Variants in PLAG1 observed in about 807,000 individuals in gnomAD.
PLAG1 encodes zinc finger protein PLAG1.
Under a neutral mutation model 35.5 loss-of-function variants are expected in PLAG1, and 7 were observed. The ratio of observed to expected loss-of-function variants is 0.20; its 90% CI spans 0.11 to 0.37. The LOEUF (loss-of-function observed/expected upper bound fraction) is 0.37. PLAG1 is among the 10% of genes least tolerant of loss of function. The pLI, the probability that PLAG1 is intolerant of heterozygous loss-of-function variation, is 1.00. For missense variants in PLAG1, 454 were observed against 602.8 expected (o/e 0.75, Z 2.58); for synonymous variants, 229 against 225.4 (o/e 1.02, Z -0.14).
chr8:56,181,469 G>A (rs1026219532), intron 1 of PLAG1, among the ~76,000 whole-genome samples: 5 of 151,882 alleles, frequency 3.3e-5, no homozygotes, highest in South Asian at 2.1e-4. Context: ...CCACAAGAAC[G>A]GAAAACCAAA....
chr8:56,210,024 A>G (rs1464672397), intron 1 of PLAG1, among the ~76,000 whole-genome samples: 2 of 152,188 alleles, frequency 1.3e-5, no homozygotes, highest in Non-Finnish European at 2.9e-5. Flanking sequence ...AGTCCACATT[A>G]CCAATAAGTT....
chr8:56,204,846 C>T (rs1585830336), intron 1 of PLAG1, among the ~76,000 whole-genome samples: 1 of 151,952 alleles, frequency 6.6e-6, no homozygotes, highest in Admixed American at 6.5e-5. Flanking sequence ...ATGGCACATC[C>T]TTCACAATCT....
Position 56,166,765 on chromosome 8 carries a change from A to G in PLAG1, c.981T>C (p.Ser327=), listed in dbSNP as rs1168713633. 6.2e-7 allele frequency: 1 copy of G among 1,614,032 alleles called. No homozygotes were observed. The highest frequency in any genetic ancestry group is 2.2e-5 in the East Asian group (1 of 44,890). Residue 327 remains serine (S), a synonymous_variant, in exon 5 of 5, where the codon TCT becomes TCC. Coordinates refer to ENST00000316981, the MANE Select transcript of PLAG1 (RefSeq NM_002655.3). ...ACGGATATTTGAAAGAAAGGTGGTG[A>G]GAGGGATGAACAGTGTCCATATCTA... ...CPIDMDTVHP[S]HHLSFKYPFS... is the part of the protein sequence containing the mutation.
At chr8:56,197,176 T>TA (rs1191683621) in intron 1 of PLAG1, among the ~76,000 whole-genome samples, 1 of 152,090 alleles carries the variant, frequency 6.6e-6, no homozygotes, top group Non-Finnish European at 1.5e-5. Context: ...TCTGTGTGTG[T>TA]ACCCCCATCT....
intron 3 of PLAG1, among the ~76,000 whole-genome samples, chr8:56,168,904 C>A (rs933243198): frequency 6.6e-6 from 1 of 152,126 alleles, no homozygotes; most frequent in African/African-American, 2.4e-5. Context: ...AGGTACTTCA[C>A]GGAGAGACAC....
chr8:56,181,579 G>A (rs1811865050), intron 1 of PLAG1, among the ~76,000 whole-genome samples: 1 of 151,970 alleles, frequency 6.6e-6, no homozygotes, highest in Non-Finnish European at 1.5e-5. Flanking sequence ...GGCAGGGGGT[G>A]GGGGTGGGGG....
chr8:56,195,501 C>G lies in PLAG1; in HGVS notation c.-322+15620G>C, dbSNP rs1460095774. 6.6e-5 allele frequency among the ~76,000 whole-genome samples: 10 copies of G among 152,288 alleles called. No individual in the cohort carries two copies. In the East Asian group the frequency reaches 1.2e-3, roughly 18 times the overall value. ...ACCTGCACTCTTCATGGAAGCTAAC[C>G]AGCCTTCTTGGGCCAGCAGGGGAGA... On this transcript the variant is annotated intron_variant, in intron 1 of 4. Coordinates refer to ENST00000316981, the MANE Select transcript of PLAG1 (RefSeq NM_002655.3).
At chr8:56,188,102 C>A (rs779968589) in intron 1 of PLAG1, among the ~76,000 whole-genome samples, 3 of 152,174 alleles carry the variant, frequency 2.0e-5, no homozygotes, top group Non-Finnish European at 4.4e-5. Context: ...ATCTACTCGA[C>A]TGAAGCACAT....
rs1174431472 is a variant in PLAG1, at chr8:56,167,228, G to A, written c.518C>T (p.Ala173Val). ...GVLLEHLKSH[A>V]GKSSGGVKEK... ...TTTAACCCCACCAGACGACTTGCCTGCATGAGATTTAAGGTGCTCCAGAAG... is the reference window on the plus strand; with the variant it reads ...TTTAACCCCACCAGACGACTTGCCTACATGAGATTTAAGGTGCTCCAGAAG... The change falls in exon 5 of 5, where the codon GCA (alanine) becomes GTA (valine). Residue 173 changes from alanine (A) to valine (V), a missense_variant. This residue lies in a region of PLAG1 where 170 missense variants were observed against 226.3 expected (regional missense o/e 0.75). Transcript: ENST00000316981. This position sits in a 1 kb window ranked among gnomAD's most constrained non-coding sequence, Gnocchi z 5.9. 1 of 1,614,052 alleles carries A rather than the reference G, an allele frequency of 6.2e-7. No individual in the cohort carries two copies. Among genetic ancestry groups the A allele is most frequent in the Non-Finnish European group, 8.5e-7 (1 of 1,180,010 alleles).
At chr8:56,194,450 G>A in intron 1 of PLAG1, among the ~76,000 whole-genome samples, 1 of 152,206 alleles carries the variant, frequency 6.6e-6, no homozygotes, top group East Asian at 1.9e-4. Context: ...TCAAGGAGCT[G>A]TGTCAGGCTG....
rs1006697608 is a variant in PLAG1 at position 56,161,592 on chromosome 8, T to C, written c.*4651A>G. 1.3e-5 allele frequency: 3 copies of C among 228,862 alleles called. No individual in the cohort carries two copies. The highest frequency in any genetic ancestry group is 6.7e-5 in the African/African-American group (3 of 45,056). The allele number at this position is 228,862 out of a possible 1,614,324, so 14.2% of individuals were successfully genotyped here. On this transcript the variant is annotated 3_prime_UTR_variant, in exon 5 of 5. Coordinates refer to ENST00000316981, the MANE Select transcript of PLAG1 (RefSeq NM_002655.3). The stretch of plus-strand genomic sequence containing the variant: ...AAAAGCTGGGTTTGTTCTGGTAACA[T>C]TTGCATGTCCGAGATCTCCTTTTGC...
chr8:56,193,798 C>T (rs924444910), intron 1 of PLAG1, among the ~76,000 whole-genome samples: 8 of 150,906 alleles, frequency 5.3e-5, no homozygotes, highest in Non-Finnish European at 8.8e-5. Context: ...CCCGGGTTCA[C>T]GCCATTCTCC....
intron 1 of PLAG1, among the ~76,000 whole-genome samples, chr8:56,198,907 T>C (rs758589091): frequency 8.5e-5 from 13 of 152,314 alleles, no homozygotes; most frequent in South Asian, 2.1e-4. Context: ...GCATGGTACT[T>C]GACCTGTGTG....
At chr8:56,182,175 G>C (rs958171352) in intron 1 of PLAG1, among the ~76,000 whole-genome samples, 2 of 152,238 alleles carry the variant, frequency 1.3e-5, no homozygotes, top group Admixed American at 1.3e-4. Flanking sequence ...GGACGGGAGA[G>C]GGAGGAAAGG....
At chr8:56,173,967 G>A (rs924367199) in intron 2 of PLAG1, among the ~76,000 whole-genome samples, 1 of 152,124 alleles carries the variant, frequency 6.6e-6, no homozygotes, top group African/African-American at 2.4e-5. Context: ...AAAAGAACAG[G>A]CCTGTATTAA....
At chr8:56,196,798 T>C (rs531958029) in intron 1 of PLAG1, among the ~76,000 whole-genome samples, 1 of 152,158 alleles carries the variant, frequency 6.6e-6, no homozygotes, top group East Asian at 1.9e-4. Context: ...TGTGTGTGTG[T>C]CCTCCTCTAT....
chr8:56,173,676 A>G, intron 2 of PLAG1, among the ~76,000 whole-genome samples: 1 of 152,084 alleles, frequency 6.6e-6, no homozygotes, highest in East Asian at 1.9e-4. Flanking sequence ...ACTGTGAACC[A>G]AAGTAGAAAA....
intron 1 of PLAG1, among the ~76,000 whole-genome samples, chr8:56,207,572 A>G (rs1812734524): frequency 6.6e-6 from 1 of 152,116 alleles, no homozygotes; most frequent in South Asian, 2.1e-4. Context: ...ACACTTATAA[A>G]TCTTCCACAG....
intron 1 of PLAG1, among the ~76,000 whole-genome samples, chr8:56,189,101 G>A (rs1812105664): frequency 6.6e-6 from 1 of 152,212 alleles, no homozygotes; most frequent in African/African-American, 2.4e-5. Context: ...GCACACAGGG[G>A]AAACTCAAGT....
Sources: allele counts gnomAD v4.1 joint callset (sites outside exome capture counted in the v4.1 genomes callset), GRCh38; gene constraint gnomAD v4.1.1; regional missense constraint gnomAD v4.1.1; non-coding constraint Gnocchi (gnomAD v3.1); transcripts MANE v1.5; gene names NCBI Gene and HGNC (gene_info 2026-07-23, HGNC 2026-07-21).